Variants in AATK observed in about 807,000 individuals in gnomAD.
AATK encodes lemur tail kinase 1, also known as serine/threonine-protein kinase LMTK1.
AATK carries 91 observed loss-of-function variants against 114.3 expected under a neutral mutation model. The observed-to-expected ratio is 0.80, with a 90% CI of 0.67 to 0.95. The LOEUF is 0.95. Among genes scored for constraint, AATK ranks in the 40% least tolerant of loss-of-function variants. The pLI is 0.00. For synonymous variants in AATK, 1,075 were observed against 916.5 expected, an observed-to-expected ratio of 1.17 and a Z score of -3.12; for missense variants, 2,176 against 1,965.2, an observed-to-expected ratio of 1.11 and a Z score of -2.03.
At position 81,165,938 on chromosome 17, in the gene AATK, C is replaced by G; in HGVS notation, c.55G>C (p.Asp19His). The G allele has an allele frequency of 6.3e-7, 1 of 1,580,202 alleles. No individual in the cohort carries two copies. Among genetic ancestry groups the G allele is most frequent in the Non-Finnish European group, 8.6e-7 (1 of 1,164,770 alleles). The change falls in exon 1 of 14, where the codon GAC (aspartate) becomes CAC (histidine). Residue 19 changes from aspartate to histidine, a missense_variant and splice_region_variant. By Grantham distance (81) the Asp-to-His change is moderately conservative (BLOSUM62 -1). Transcript: ENST00000326724. ...GCAGGCCGGGCCGCCAGGGACTCAC[C>G]GGGGTCGAAGTGCGAGCTGAAGGCG... ...SFAFSSHFDPDGAPLSELSWP... is the reference protein window; with the variant it reads ...SFAFSSHFDPHGAPLSELSWP...
At chr17:81,125,295 G>A (rs1339881332) in intron 7 of AATK, 1 of 749,036 alleles carries the variant, frequency 1.3e-6, no homozygotes, top group Admixed American at 1.7e-5. Flanking sequence ...ATGGGGCCTA[G>A]AGAGGGTGAG....
rs758574182 is a variant in AATK, at chr17:81,126,646, A to T, written c.622-86T>A. ...CCCCACCTACCTCCCCAACTCCTCC[A>T]CCCCTACCCACAGCTGAGGGACAGC... is the stretch of plus-strand genomic sequence containing the variant. On this transcript the variant is annotated intron_variant, in intron 6 of 13. Transcript: ENST00000326724. This position sits in a 1 kb window ranked among gnomAD's most constrained non-coding sequence, Gnocchi z 5.1. 2.0e-6 allele frequency: 3 copies of T among 1,474,374 alleles called. No individual in the cohort carries two copies. Among genetic ancestry groups the T allele is most frequent in the Non-Finnish European group, 2.7e-6 (3 of 1,106,570 alleles). 91.3% of individuals were successfully genotyped at this position (1,474,374 alleles called of 1,614,324 possible).
At position 81,121,565 on chromosome 17, in the gene AATK, C is replaced by T. The variant is rs376216252; in HGVS notation, c.2371G>A (p.Gly791Arg). The T allele has an allele frequency of 2.0e-4, 300 of 1,515,636 alleles. 1 individual carries two copies. The highest frequency in any genetic ancestry group is 1.4e-3 in the South Asian group (106 of 76,356). The allele number at this position is 1,515,636 out of a possible 1,614,324, so 93.9% of individuals were successfully genotyped here. A position where few individuals can be genotyped will look rare whatever the true frequency, so the allele number is the denominator to read the frequency against. ...ACGGAAGGAAGGGGCAGGCGGGGTC[C>T]GGTAGTGCCCTCAGCCTCCGTGGCA... The part of the protein sequence containing the change: ...KLATEAEGTT[G>R]PRLPLPSVPS... Residue 791 changes from glycine (G) to arginine (R), a missense_variant, in exon 11 of 14, where the codon GGA becomes AGA. By Grantham distance (125) the Gly-to-Arg change is moderately radical. Transcript: ENST00000326724.
intron 1 of AATK, among the ~76,000 whole-genome samples, chr17:81,144,474 G>A (rs2061187312): frequency 6.6e-6 from 1 of 152,200 alleles, no homozygotes; most frequent in South Asian, 2.1e-4. Flanking sequence ...AGTGGCCCCT[G>A]GAGGCACCCC....
intron 1 of AATK, chr17:81,165,663 C>G: frequency 2.0e-6 from 3 of 1,501,334 alleles, no homozygotes; most frequent in Non-Finnish European, 2.7e-6. Context: ...CCCACGCAGG[C>G]CCTCCGTGCC....
chr17:81,127,403 C>T (rs1303427329), intron 6 of AATK, among the ~76,000 whole-genome samples, 180 bp downstream of exon 6: 1 of 152,034 alleles, frequency 6.6e-6, no homozygotes, highest in Non-Finnish European at 1.5e-5. Flanking sequence ...CACAGTCCCT[C>T]CCTGGTGAGG....
chr17:81,158,055 G>C (rs1253259748), intron 1 of AATK, among the ~76,000 whole-genome samples: 1 of 152,246 alleles, frequency 6.6e-6, no homozygotes, highest in Admixed American at 6.5e-5. Flanking sequence ...TGCCAAGGAG[G>C]AAACGGGCAG....
At chr17:81,152,415 G>A (rs375020308) in intron 1 of AATK, among the ~76,000 whole-genome samples, 8 of 151,954 alleles carry the variant, frequency 5.3e-5, no homozygotes, top group East Asian at 3.9e-4. Context: ...ATGAGACCCC[G>A]TCCCTACAAA....
intron 1 of AATK, among the ~76,000 whole-genome samples, chr17:81,144,021 G>A (rs776240451): frequency 3.3e-5 from 5 of 151,476 alleles, no homozygotes; most frequent in South Asian, 2.1e-4. Context: ...CTGCAGGGAC[G>A]GGTGGCCAGG....
Position 81,120,327 on chromosome 17 carries a change from G to T in AATK, c.3609C>A (p.Ser1203Arg). 6.2e-7 allele frequency: 1 copy of T among 1,610,506 alleles called. No individual in the cohort carries two copies. The change falls in exon 11 of 14, where the codon AGC becomes AGA. Residue 1203 changes from serine to arginine, a missense_variant. Transcript: ENST00000326724. ...AVPVVVAESQSARNLRSLLKM... is the reference protein window; with the variant it reads ...AVPVVVAESQRARNLRSLLKM... ...TGAGCAGGCTGCGCAGGTTGCGCGC[G>T]CTCTGGCTCTCAGCCACCACCACGG... is the stretch of plus-strand genomic sequence containing the variant.
chr17:81,150,625 C>T (rs760932645), intron 1 of AATK, among the ~76,000 whole-genome samples: 1 of 152,148 alleles, frequency 6.6e-6, no homozygotes, highest in Non-Finnish European at 1.5e-5. Flanking sequence ...CCATGAAGAG[C>T]TCATTCCTCA....
At chr17:81,144,633 G>T (rs538381984) in intron 1 of AATK, among the ~76,000 whole-genome samples, 3 of 152,238 alleles carry the variant, frequency 2.0e-5, no homozygotes, top group Non-Finnish European at 4.4e-5. Flanking sequence ...GGAGGAGTTC[G>T]CCTTCACTGT....
intron 1 of AATK, among the ~76,000 whole-genome samples, chr17:81,137,860 G>A (rs932361210): frequency 2.0e-5 from 3 of 151,678 alleles, no homozygotes; most frequent in Admixed American, 6.6e-5. Flanking sequence ...TATATCACAC[G>A]TGTGCACACC....
intron 1 of AATK, among the ~76,000 whole-genome samples, chr17:81,141,928 C>CTTCCTTCCTTCCTTCCT (rs1555597546): frequency 7.8e-5 from 6 of 77,048 alleles, no homozygotes; most frequent in African/African-American, 2.4e-4. Flanking sequence ...TCCTTCCTTC[C>CTTCCTTCCTTCCTTCCT]TTCCTTCCTT....
intron 1 of AATK, among the ~76,000 whole-genome samples, chr17:81,144,035 GC>G (rs2061180047): frequency 6.6e-6 from 1 of 152,058 alleles, no homozygotes; most frequent in Non-Finnish European, 1.5e-5. Flanking sequence ...GGCCAGGGTG[GC>G]CAGCACATAA....
At chr17:81,161,621 G>A (rs1020548294) in intron 1 of AATK, among the ~76,000 whole-genome samples, 3 of 152,154 alleles carry the variant, frequency 2.0e-5, no homozygotes, top group Non-Finnish European at 4.4e-5. Context: ...TGCCGTGACG[G>A]CCCCCGGGTT....
chr17:81,154,021 A>T (rs2061330590), intron 1 of AATK, among the ~76,000 whole-genome samples: 1 of 152,094 alleles, frequency 6.6e-6, no homozygotes, highest in South Asian at 2.1e-4. Context: ...CAGTGAGCCG[A>T]GCTGAGATCA....
rs760841585 is a variant in AATK, at chr17:81,121,235, C to T, written c.2701G>A (p.Asp901Asn). Residue 901 changes from aspartate to asparagine, a missense_variant, in exon 11 of 14, where the codon GAC (aspartate) becomes AAC (asparagine). By Grantham distance (23) the Asp-to-Asn change is conservative (BLOSUM62 1). Coordinates refer to ENST00000326724, the MANE Select transcript of AATK (RefSeq NM_001080395.3). ...GGGATGTCCAGGGAGTCCAGGGAGT[C>T]GGGGGTCCCCACCTGCTTCTGCAGA... ...RSLQKQVGTPDSLDSLDIPSS... is the reference protein window; with the variant it reads ...RSLQKQVGTPNSLDSLDIPSS... 7.9e-5 allele frequency: 127 copies of T among 1,606,726 alleles called. 1 individual carries two copies. The highest frequency in any genetic ancestry group is 3.3e-4 in the Middle Eastern group (2 of 6,076).
At chr17:81,119,174 CAGGT>C (rs1568215565) in intron 13 of AATK, among the ~76,000 whole-genome samples, 106 of 142,070 alleles carry the variant, frequency 7.5e-4, no homozygotes, top group Admixed American at 1.8e-3. Flanking sequence ...AGGTGAGGGT[CAGGT>C]GAGGGTCAGG....
Sources: allele counts gnomAD v4.1 joint callset (sites outside exome capture counted in the v4.1 genomes callset), GRCh38; gene constraint gnomAD v4.1.1; non-coding constraint Gnocchi (gnomAD v3.1); transcripts MANE v1.5; gene names NCBI Gene and HGNC (gene_info 2026-07-23, HGNC 2026-07-21).